KAZN: variants seen among roughly 807,000 people sequenced by gnomAD.
KAZN encodes the protein kazrin.
A neutral mutation model predicts 87.4 loss-of-function variants in KAZN; 40 were observed. The observed-to-expected ratio is 0.46, with a 90% CI of 0.36 to 0.60. The LOEUF is 0.60. KAZN is among the 20% of genes least tolerant of loss of function. The probability of loss-of-function intolerance (pLI) is 0.00; values close to 1 mark genes in which losing one functional copy is unlikely to be tolerated. For missense variants in KAZN, 898 were observed against 1,073.9 expected (o/e 0.84, Z 2.29); for synonymous variants, 466 against 458.3 (o/e 1.02, Z -0.22).
chr1:14,385,765 G>T (rs1661822758), intron 2 of KAZN, among the ~76,000 whole-genome samples: 1 of 150,080 alleles, frequency 6.7e-6, no homozygotes, highest in East Asian at 2.0e-4. Flanking sequence ...GGTGTGGTGT[G>T]GTGCTGAAAA....
At position 15,115,500 on chromosome 1, in the gene KAZN, C is replaced by G. The variant is rs1641812736; in HGVS notation, c.*865C>G. 6.6e-6 allele frequency: 1 copy of G among 152,144 alleles called. No individual in the cohort carries two copies. The highest frequency in any genetic ancestry group is 1.5e-5 in the Non-Finnish European group (1 of 68,044). 9.4% of individuals were successfully genotyped at this position (152,144 alleles called of 1,614,324 possible). ...GATTCCAAACCCCACTATCTGCACT[C>G]CGTGACAGTGGTATGGAGTGTGGCA... On this transcript the variant is annotated 3_prime_UTR_variant, in exon 15 of 15. Coordinates refer to ENST00000376030, the MANE Select transcript of KAZN (RefSeq NM_201628.3). The surrounding 1 kb of genome is among the most constrained non-coding windows in gnomAD (Gnocchi z 4.1).
At chr1:14,809,869 G>A (rs1360299158) in intron 1 of KAZN, among the ~76,000 whole-genome samples, 1 of 151,998 alleles carries the variant, frequency 6.6e-6, no homozygotes. Flanking sequence ...TTCCACCAGG[G>A]GCATTTCCAC....
chr1:14,443,861 T>A (rs1477977970), intron 2 of KAZN, among the ~76,000 whole-genome samples: 1 of 152,226 alleles, frequency 6.6e-6, no homozygotes, highest in African/African-American at 2.4e-5. Flanking sequence ...TGTTCTCCTT[T>A]TTTGCACTTT....
chr1:14,149,359 G>T (rs894867346), intron 1 of KAZN, among the ~76,000 whole-genome samples: 1 of 151,206 alleles, frequency 6.6e-6, no homozygotes, highest in African/African-American at 2.4e-5. Context: ...CACCTGCCTC[G>T]GCCTCCCAAA....
chr1:13,924,744 G>A (rs775222137), intron 1 of KAZN, among the ~76,000 whole-genome samples: 4 of 152,150 alleles, frequency 2.6e-5, no homozygotes, highest in Non-Finnish European at 4.4e-5. Context: ...CTGAACCAGT[G>A]TTCCTCTTCC....
In KAZN at chr1:14,934,059, G is replaced by A. The variant is rs571520284; in HGVS notation, c.227-26625G>A. ...TTTAGTAGAGACGGGGTTTCACCGT[G>A]TTATCCAGGATGGTCTCGATCTCCT... On this transcript the variant is annotated intron_variant, in intron 1 of 14. Transcript: ENST00000376030. Among the ~76,000 whole-genome samples, 16 of 150,842 alleles carry A rather than the reference G, an allele frequency of 1.1e-4. No homozygotes were observed. The South Asian group carries it at 2.7e-3, about 26-fold the overall frequency.
At chr1:14,417,880 C>G (rs889877728) in intron 2 of KAZN, among the ~76,000 whole-genome samples, 3 of 151,268 alleles carry the variant, frequency 2.0e-5, no homozygotes, top group Non-Finnish European at 4.4e-5. Flanking sequence ...CCTGTAGTCC[C>G]AGCTACTCGG....
At chr1:14,544,394 A>C (rs1673011916) in intron 2 of KAZN, among the ~76,000 whole-genome samples, 1 of 139,782 alleles carries the variant, frequency 7.2e-6, no homozygotes, top group Non-Finnish European at 1.5e-5. Context: ...TCTTCTCAAA[A>C]ATGTGAAAAA....
intron 1 of KAZN, among the ~76,000 whole-genome samples, chr1:14,853,787 C>G (rs1189916771): frequency 6.6e-6 from 1 of 152,112 alleles, no homozygotes; most frequent in Admixed American, 6.5e-5. Context: ...GTCACTTGGC[C>G]CATATTGGTG....
intron 3 of KAZN, among the ~76,000 whole-genome samples, chr1:15,040,774 T>TA (rs76695641): frequency 0.24 from 34,072 of 142,308 alleles, 4,030 homozygotes; most frequent in East Asian, 0.29. Flanking sequence ...TCAAAAAAGT[T>TA]AAAAAAAAAA....
chr1:15,082,514 A>T (rs1469076696), intron 8 of KAZN, among the ~76,000 whole-genome samples: 1 of 152,168 alleles, frequency 6.6e-6, no homozygotes, highest in Non-Finnish European at 1.5e-5. Context: ...AATTAATTAA[A>T]ATGCTAGAGC....
chr1:13,991,309 G>C (rs943818603), intron 1 of KAZN, among the ~76,000 whole-genome samples: 2 of 152,010 alleles, frequency 1.3e-5, no homozygotes, highest in African/African-American at 2.4e-5. Context: ...GGTGTGGAGG[G>C]CTAGGGGAGG....
At chr1:14,625,686 A>G (rs1422150869) in intron 1 of KAZN, among the ~76,000 whole-genome samples, 1 of 152,246 alleles carries the variant, frequency 6.6e-6, no homozygotes, top group East Asian at 1.9e-4. Flanking sequence ...TTCAATTATC[A>G]TCCTGCCTTT....
chr1:14,618,786 A>G (rs968192651), intron 1 of KAZN, among the ~76,000 whole-genome samples: 1 of 152,226 alleles, frequency 6.6e-6, no homozygotes, highest in Non-Finnish European at 1.5e-5. Flanking sequence ...TGTGACAAGT[A>G]CAGTGATAGT....
At chr1:14,822,361 A>AAG (rs934942438) in intron 1 of KAZN, among the ~76,000 whole-genome samples, 5 of 151,990 alleles carry the variant, frequency 3.3e-5, no homozygotes, top group African/African-American at 1.2e-4. Context: ...AGGAGGGAGA[A>AAG]AACATCCTTG....
intron 2 of KAZN, among the ~76,000 whole-genome samples, chr1:14,419,454 A>C (rs898344235): frequency 6.6e-6 from 1 of 152,126 alleles, no homozygotes; most frequent in African/African-American, 2.4e-5. Context: ...TGCTCTGTCC[A>C]AGCCACTCCA....
chr1:14,353,106 A>C (rs12239349), intron 2 of KAZN, among the ~76,000 whole-genome samples: 30,985 of 152,110 alleles, frequency 0.2, 3,599 homozygotes, highest in African/African-American at 0.31. Flanking sequence ...GAGACGAGTC[A>C]AGGGATGTTT....
intron 4 of KAZN, among the ~76,000 whole-genome samples, chr1:15,049,272 C>A (rs896762009): frequency 6.6e-6 from 1 of 152,232 alleles, no homozygotes; most frequent in Non-Finnish European, 1.5e-5. Context: ...GGTCCTGTCC[C>A]TGGGAGCCCG....
intron 1 of KAZN, among the ~76,000 whole-genome samples, chr1:13,925,272 TC>T (rs2100916248): frequency 6.6e-6 from 1 of 152,362 alleles, no homozygotes; most frequent in Non-Finnish European, 1.5e-5. Context: ...AGTGCTTTAT[TC>T]CTTTTTATGG....
Sources: allele counts gnomAD v4.1 joint callset (sites outside exome capture counted in the v4.1 genomes callset), GRCh38; gene constraint gnomAD v4.1.1; non-coding constraint Gnocchi (gnomAD v3.1); transcripts MANE v1.5; gene names NCBI Gene and HGNC (gene_info 2026-07-23, HGNC 2026-07-21).